The following VGLL3 variants were observed in gnomAD, a reference collection of about 807,000 sequenced individuals.
VGLL3 encodes transcription cofactor vestigial-like protein 3.
VGLL3 carries 18 observed loss-of-function variants against 29.2 expected under a neutral mutation model. The observed-to-expected ratio is 0.62, with a 90% CI of 0.43 to 0.91. The LOEUF (loss-of-function observed/expected upper bound fraction) is 0.91. Ranked by LOEUF, VGLL3 falls within the 40% of genes least tolerant of loss-of-function variation. The pLI is 0.00. For synonymous variants in VGLL3, 180 were observed against 151.8 expected (o/e 1.19, Z -1.36); for missense variants, 440 against 413.2 (o/e 1.06, Z -0.56).
intron 1 of VGLL3, among the ~76,000 whole-genome samples, chr3:86,979,279 C>A (rs1254290661): frequency 1.3e-5 from 2 of 152,010 alleles, no homozygotes; most frequent in Non-Finnish European, 2.9e-5. Context: ...ATAAAATAAA[C>A]TAAAATAAAA....
At chr3:86,986,886 C>T (rs1705452952) in intron 1 of VGLL3, among the ~76,000 whole-genome samples, 1 of 151,928 alleles carries the variant, frequency 6.6e-6, no homozygotes, top group Non-Finnish European at 1.5e-5. Flanking sequence ...CTTTGGAATG[C>T]CTAAACTTAA....
At chr3:86,954,507 A>G (rs1014443845) in intron 3 of VGLL3, among the ~76,000 whole-genome samples, 4 of 152,244 alleles carry the variant, frequency 2.6e-5, no homozygotes, top group African/African-American at 9.6e-5. Flanking sequence ...GCATAGCTGG[A>G]GGGTAAATTG....
rs1457503323 is a variant in VGLL3 at position 86,960,932 on chromosome 3, G to GGTAT, written c.937+7657_937+7658insATAC. On this transcript the variant is annotated intron_variant, in intron 3 of 3. Coordinates refer to ENST00000398399, the MANE Select transcript of VGLL3 (RefSeq NM_016206.4). The stretch of plus-strand genomic sequence containing the variant: ...TATTAGGTTATGCAAAAGTAATTGT[G>GGTAT]ATATATATATATATATATATATATA... 4.5e-3 allele frequency among the ~76,000 whole-genome samples: 623 copies of GGTAT among 137,928 alleles called. 7 individuals are homozygous for GGTAT. Among genetic ancestry groups the GGTAT allele is most frequent in the African/African-American group, 0.016 (587 of 35,944 alleles). The allele number at this position is 137,928 out of a possible 152,430, so 90.5% of individuals were successfully genotyped here.
chr3:86,989,054 CT>C lies in VGLL3; in HGVS notation c.126+1563del, dbSNP rs1298299417. 6.6e-4 allele frequency among the ~76,000 whole-genome samples: 100 copies of C among 152,186 alleles called. 1 individual carries two copies. The highest frequency in any genetic ancestry group is 1.9e-4 in the Non-Finnish European group (13 of 67,992). On this transcript the variant is annotated intron_variant, in intron 1 of 3. Transcript: ENST00000398399. ...TTTATGATTGGCAATTTGCCATTTT[CT>C]CTGATACCGAATGTTATTTTCTAGC...
At chr3:86,977,533 G>T (rs935134183) in intron 2 of VGLL3, among the ~76,000 whole-genome samples, 46 of 152,142 alleles carry the variant, frequency 3.0e-4, no homozygotes, top group Non-Finnish European at 5.9e-4. Context: ...TCGAGATAAG[G>T]GGGTCCTGCA....
intron 2 of VGLL3, among the ~76,000 whole-genome samples, chr3:86,971,423 C>T (rs957296983): frequency 5.3e-5 from 8 of 152,188 alleles, no homozygotes; most frequent in African/African-American, 1.9e-4. Flanking sequence ...AGTCAATTCC[C>T]TCTCTCACAA....
chr3:86,962,675 T>C (rs538648172), intron 3 of VGLL3: 658 of 846,088 alleles, frequency 7.8e-4, no homozygotes, highest in Non-Finnish European at 8.8e-4. Flanking sequence ...CCCACAGTTC[T>C]ACTCCTAGAT....
At chr3:86,982,362 T>C (rs1203288603) in intron 1 of VGLL3, among the ~76,000 whole-genome samples, 2 of 151,906 alleles carry the variant, frequency 1.3e-5, no homozygotes, top group African/African-American at 2.4e-5. Context: ...GCCAGGCTGC[T>C]CTCAAACTCC....
chr3:86,973,742 A>C (rs1481346003), intron 2 of VGLL3, among the ~76,000 whole-genome samples: 1 of 152,074 alleles, frequency 6.6e-6, no homozygotes, highest in Non-Finnish European at 1.5e-5. Flanking sequence ...TCTCCATTTG[A>C]CTATTTAGGT....
At chr3:86,953,855 A>C (rs970405665) in intron 3 of VGLL3, among the ~76,000 whole-genome samples, 1 of 152,164 alleles carries the variant, frequency 6.6e-6, no homozygotes, top group African/African-American at 2.4e-5. Context: ...TGCTAGTTTG[A>C]TGACTTCTCT....
At chr3:86,950,502 T>C (rs982091560) in intron 3 of VGLL3, among the ~76,000 whole-genome samples, 2 of 152,222 alleles carry the variant, frequency 1.3e-5, no homozygotes, top group African/African-American at 4.8e-5. Flanking sequence ...TCACATTATA[T>C]GAGTTATACT....
rs985969461 is a variant in VGLL3, at chr3:86,942,282, A to G, written c.*4742T>C. 1 of 152,168 alleles carries G rather than the reference A, an allele frequency of 6.6e-6. No homozygotes were observed. Among genetic ancestry groups the G allele is most frequent in the Non-Finnish European group, 1.5e-5 (1 of 68,028 alleles). 9.4% of individuals were successfully genotyped at this position (152,168 alleles called of 1,614,324 possible). A position where few individuals can be genotyped will look rare whatever the true frequency, so the allele number is the denominator to read the frequency against. On this transcript the variant is annotated 3_prime_UTR_variant, in exon 4 of 4. Coordinates refer to ENST00000398399, the MANE Select transcript of VGLL3 (RefSeq NM_016206.4). ...TTTCCCTTGGCTGCAAAGGTGATCA[A>G]TCAGGAATCCAAACTGCCATCAATA... is the stretch of plus-strand genomic sequence containing the variant.
chr3:86,977,424 C>T (rs1056279135), intron 2 of VGLL3, among the ~76,000 whole-genome samples: 1 of 152,160 alleles, frequency 6.6e-6, no homozygotes, highest in African/African-American at 2.4e-5. Context: ...CCTGGCCCTG[C>T]CCACAGGTAG....
At chr3:86,985,840 A>G (rs149306846) in intron 1 of VGLL3, among the ~76,000 whole-genome samples, 109 of 152,238 alleles carry the variant, frequency 7.2e-4, no homozygotes, top group Non-Finnish European at 1.4e-3. Flanking sequence ...TAGTTTTCAG[A>G]TTTTTAAAAA....
rs1268596358 is a variant in VGLL3 at position 86,962,552 on chromosome 3, T to A, written c.937+6038A>T. On this transcript the variant is annotated intron_variant, in intron 3 of 3. Transcript: ENST00000398399. ...TAACAATTTAAATACTAAAAAAAAA[T>A]TTAAAAAACAAAAATTTAAATTTAA... 1.4e-5 allele frequency: 14 copies of A among 977,816 alleles called. No individual in the cohort carries two copies. The South Asian group carries it at 3.3e-4, about 23-fold the overall frequency. The allele number at this position is 977,816 out of a possible 1,614,324, so 60.6% of individuals were successfully genotyped here. A position where few individuals can be genotyped will look rare whatever the true frequency, so the allele number is the denominator to read the frequency against.
chr3:86,967,131 G>C (rs1704981744), intron 3 of VGLL3, among the ~76,000 whole-genome samples: 2 of 152,006 alleles, frequency 1.3e-5, no homozygotes, highest in Non-Finnish European at 2.9e-5. Flanking sequence ...AGAATTCATA[G>C]AGGGAAGAAC....
At chr3:86,962,388 T>C in intron 3 of VGLL3, 1 of 985,312 alleles carries the variant, frequency 1.0e-6, no homozygotes, top group Non-Finnish European at 1.2e-6. Flanking sequence ...TATGGATCCT[T>C]TTAAATTTTG....
intron 1 of VGLL3, among the ~76,000 whole-genome samples, chr3:86,985,832 G>T (rs781075434): frequency 6.6e-6 from 1 of 152,074 alleles, no homozygotes; most frequent in Non-Finnish European, 1.5e-5. Context: ...AGATATATTA[G>T]TTTTCAGATT....
At chr3:86,967,353 A>T (rs1262772388) in intron 3 of VGLL3, among the ~76,000 whole-genome samples, 1 of 152,196 alleles carries the variant, frequency 6.6e-6, no homozygotes, top group Non-Finnish European at 1.5e-5. Context: ...CTGCTGTGCC[A>T]TCACACACGC....
Sources: gnomAD v4.1 joint callset for allele counts (sites outside exome capture counted in the v4.1 genomes callset) on GRCh38, gnomAD v4.1.1 for gene constraint, MANE v1.5 for transcripts, NCBI Gene and HGNC (gene_info 2026-07-23, HGNC 2026-07-21) for gene names.